The following BANP variants were observed in gnomAD, a reference collection of about 807,000 sequenced individuals.
BANP encodes BTG3 associated nuclear protein, also known as protein BANP.
A neutral mutation model predicts 68.1 loss-of-function variants in BANP; 11 were observed. The ratio of observed to expected loss-of-function variants is 0.16; its 90% CI spans 0.10 to 0.27. The LOEUF (loss-of-function observed/expected upper bound fraction) is 0.27, where lower values mean the gene tolerates loss of function less well. BANP is among the 10% of genes least tolerant of loss of function. The pLI is 1.00. For missense variants in BANP, 504 were observed against 722.7 expected (o/e 0.70, Z 3.47); for synonymous variants, 329 against 303.2 (o/e 1.09, Z -0.88).
At chr16:87,998,682 G>A (rs1364462578) in intron 4 of BANP, among the ~76,000 whole-genome samples, 9 of 146,432 alleles carry the variant, frequency 6.1e-5, no homozygotes, top group African/African-American at 1.8e-4. Flanking sequence ...GCACGTGCGC[G>A]GCTGGACTTA....
In BANP at chr16:88,033,182, C is replaced by T. The variant is rs74040268; in HGVS notation, c.1137C>T (p.Tyr379=). 4,734 of 1,611,620 alleles carry T rather than the reference C, an allele frequency of 2.9e-3. 130 individuals are homozygous for T. The African/African-American group carries it at 0.056, about 19-fold the overall frequency. ...QPQPQPQALH[Y]ALANAQQVQI... ...AGCCGCAGCCGCAGGCCCTGCACTA[C>T]GCGCTGGCCAACGCACAGCAGGTGC... Residue 379 remains tyrosine (Y), a synonymous_variant, in exon 9 of 14, where the codon TAC becomes TAT. Transcript: ENST00000682872.
intron 11 of BANP, among the ~76,000 whole-genome samples, chr16:88,061,877 C>T (rs983886143): frequency 2.0e-5 from 3 of 152,094 alleles, no homozygotes; most frequent in African/African-American, 7.2e-5. Flanking sequence ...GTTGGTCAGG[C>T]TGGTCTCCCA....
intron 1 of BANP, among the ~76,000 whole-genome samples, chr16:87,962,648 C>T (rs993444825): frequency 6.6e-6 from 1 of 152,138 alleles, no homozygotes; most frequent in East Asian, 1.9e-4. Context: ...TGAATTTTTC[C>T]TCCCTTTCCC....
chr16:87,968,368 T>G (rs12919537), intron 1 of BANP, among the ~76,000 whole-genome samples: 37,355 of 151,238 alleles, frequency 0.25, 5,098 homozygotes, highest in East Asian at 0.49. Flanking sequence ...CCTGTAGTCT[T>G]AGCTACTCAG....
At chr16:87,978,754 A>G (rs1567643474) in intron 2 of BANP, 1 of 437,458 alleles carries the variant, frequency 2.3e-6, no homozygotes, top group African/African-American at 2.0e-5. Flanking sequence ...ACAGGTGCTG[A>G]TAATCAAAAC....
rs191484748 is a variant in BANP at position 88,036,009 on chromosome 16, G to T, written c.1272+615G>T. 6.6e-6 allele frequency among the ~76,000 whole-genome samples: 1 copy of T among 152,346 alleles called. No homozygotes were observed. The highest frequency in any genetic ancestry group is 2.4e-5 in the African/African-American group (1 of 41,582). ...CTGGAATGTGAAGGCGGCAGTGACAGTCTGAGTTCTTGGAAAGCCGAGGCC... is the reference window on the plus strand; with the variant it reads ...CTGGAATGTGAAGGCGGCAGTGACATTCTGAGTTCTTGGAAAGCCGAGGCC... On this transcript the variant is annotated intron_variant, in intron 10 of 13. Transcript: ENST00000682872. This position sits in a 1 kb window ranked among gnomAD's most constrained non-coding sequence, Gnocchi z 4.2.
chr16:87,983,179 G>A (rs1448593352), intron 3 of BANP, among the ~76,000 whole-genome samples: 3 of 152,236 alleles, frequency 2.0e-5, no homozygotes. Context: ...GTTTTCAGCT[G>A]TTGATTCTTA....
In BANP at chr16:87,998,284, G is replaced by A. The variant is rs374105405; in HGVS notation, c.363-6011G>A. 2.6e-5 allele frequency among the ~76,000 whole-genome samples: 4 copies of A among 152,214 alleles called. No individual in the cohort carries two copies. In the East Asian group the frequency reaches 7.7e-4, roughly 29 times the overall value. On this transcript the variant is annotated intron_variant, in intron 4 of 13. Coordinates refer to ENST00000682872, the MANE Select transcript of BANP (RefSeq NM_001386991.1). ...CAAAATAGATGAAAAAGTGCTGAGG[G>A]TTGTGGGGGCAGTGAGTGGTTTTGG... is the stretch of plus-strand genomic sequence containing the variant.
rs59989652 is a variant in BANP, at chr16:88,029,306, CAAAAAAAA to C, written c.1063+1671_1063+1678del. ...TGGGTGACAGAGCGAGACTGTATCT[CAAAAAAAA>C]AAAAAAAAAAAAAAGCCGGGTGCTG... On this transcript the variant is annotated intron_variant, in intron 8 of 13. Transcript: ENST00000682872. Among the ~76,000 whole-genome samples the C allele has an allele frequency of 3.9e-4, 22 of 55,774 alleles. No individual in the cohort carries two copies. The Admixed American group carries it at 5.0e-3, about 13-fold the overall frequency. 36.6% of individuals were successfully genotyped at this position (55,774 alleles called of 152,430 possible). A position where few individuals can be genotyped will look rare whatever the true frequency, so the allele number is the denominator to read the frequency against.
At position 88,036,070 on chromosome 16, in the gene BANP, C is replaced by T. The variant is rs2079272015; in HGVS notation, c.1272+676C>T. 6.6e-6 allele frequency among the ~76,000 whole-genome samples: 1 copy of T among 152,226 alleles called. No homozygotes were observed. Among genetic ancestry groups the T allele is most frequent in the South Asian group, 2.1e-4 (1 of 4,822 alleles). ...GATGCTCCATGTTTGCATGCCAGAG[C>T]AGGACTGTCTCCCGGGTGACCGTCC... On this transcript the variant is annotated intron_variant, in intron 10 of 13. Coordinates refer to ENST00000682872, the MANE Select transcript of BANP (RefSeq NM_001386991.1). This position sits in a 1 kb window ranked among gnomAD's most constrained non-coding sequence, Gnocchi z 4.2.
chr16:88,068,533 G>A (rs2089420222), intron 12 of BANP, among the ~76,000 whole-genome samples: 1 of 152,200 alleles, frequency 6.6e-6, no homozygotes, highest in Non-Finnish European at 1.5e-5. Flanking sequence ...CTTTCTCGGG[G>A]CCAGGAGTGT....
At chr16:87,977,864 G>A (rs72631410) in intron 2 of BANP, among the ~76,000 whole-genome samples, 36,542 of 150,786 alleles carry the variant, frequency 0.24, 4,924 homozygotes, top group East Asian at 0.49. Flanking sequence ...TAAGACAGAG[G>A]TTTGCTCTGT....
chr16:88,000,269 CGTCT>C (rs2068814559), intron 4 of BANP, among the ~76,000 whole-genome samples: 1 of 27,424 alleles, frequency 3.6e-5, no homozygotes, highest in East Asian at 1.2e-3. Context: ...CTTCCAGACA[CGTCT>C]CCATGCACGC....
At chr16:87,978,386 A>C (rs2062597384) in intron 2 of BANP, 2 of 266,316 alleles carry the variant, frequency 7.5e-6, no homozygotes, top group Admixed American at 4.8e-5. Context: ...TTTTCTTCTC[A>C]GCAAACTAAA....
chr16:87,977,284 T>A (rs1309875464), intron 2 of BANP, among the ~76,000 whole-genome samples: 1 of 152,094 alleles, frequency 6.6e-6, no homozygotes, highest in Non-Finnish European at 1.5e-5. Flanking sequence ...CCGGGCGTGG[T>A]GGCGGGCGCC....
chr16:88,033,521 C>T (rs555335577), intron 9 of BANP, among the ~76,000 whole-genome samples: 1 of 152,314 alleles, frequency 6.6e-6, no homozygotes, highest in Admixed American at 6.5e-5. Flanking sequence ...GGCAGGCGGG[C>T]AGTCAGCTCC....
intron 6 of BANP, among the ~76,000 whole-genome samples, chr16:88,006,862 G>A (rs1390531179): frequency 1.4e-5 from 2 of 147,562 alleles, no homozygotes; most frequent in African/African-American, 2.5e-5. Flanking sequence ...TGAGGCGGGA[G>A]AATTGCTTGA....
chr16:87,968,965 C>A (rs1424409247), intron 1 of BANP, among the ~76,000 whole-genome samples: 2 of 152,112 alleles, frequency 1.3e-5, no homozygotes, highest in African/African-American at 2.4e-5. Flanking sequence ...CCTTTTCACC[C>A]ATGCCCCAGG....
chr16:87,974,676 G>A (rs1472406265), intron 1 of BANP, among the ~76,000 whole-genome samples: 1 of 152,100 alleles, frequency 6.6e-6, no homozygotes, highest in Non-Finnish European at 1.5e-5. Context: ...AGGCCCCTTG[G>A]GAGCAGGAAG....
Sources: allele counts gnomAD v4.1 joint callset (sites outside exome capture counted in the v4.1 genomes callset), GRCh38; gene constraint gnomAD v4.1.1; non-coding constraint Gnocchi (gnomAD v3.1); transcripts MANE v1.5; gene names NCBI Gene and HGNC (gene_info 2026-07-23, HGNC 2026-07-21).